DPY19L2: variants seen among roughly 807,000 people sequenced by gnomAD.
DPY19L2 encodes probable C-mannosyltransferase DPY19L2.
Under a neutral mutation model 97.9 loss-of-function variants are expected in DPY19L2, and 34 were observed. That is an observed-to-expected ratio of 0.35 (90% confidence interval 0.26 to 0.46). DPY19L2 has a LOEUF of 0.46. Among genes scored for constraint, DPY19L2 ranks in the 20% least tolerant of loss-of-function variants. DPY19L2 has a pLI of 1.00. For missense variants in DPY19L2, 623 were observed against 911.4 expected (o/e 0.68, Z 4.07); for synonymous variants, 230 against 307.9 (o/e 0.75, Z 2.65).
At chr12:63,630,441 A>C (rs1166555519) in intron 6 of DPY19L2, among the ~76,000 whole-genome samples, 1 of 152,174 alleles carries the variant, frequency 6.6e-6, no homozygotes, top group African/African-American at 2.4e-5. Context: ...AACAGACTTT[A>C]AACCAACAAA....
intron 6 of DPY19L2, among the ~76,000 whole-genome samples, chr12:63,636,407 GA>G (rs1891704113): frequency 6.6e-6 from 1 of 152,056 alleles, no homozygotes; most frequent in Non-Finnish European, 1.5e-5. Context: ...ATAACAACAG[GA>G]TCAAATTCAC....
At chr12:63,624,152 A>C (rs1473837348) in intron 7 of DPY19L2, 21 bp from the exon 8 acceptor site, 1 of 1,569,896 alleles carries the variant, frequency 6.4e-7, no homozygotes, top group Non-Finnish European at 8.8e-7. Flanking sequence ...CAAAATGCCC[A>C]CTTTACATCC....
At chr12:63,588,824 G>A (rs1024911512) in intron 16 of DPY19L2, among the ~76,000 whole-genome samples, 2 of 147,328 alleles carry the variant, frequency 1.4e-5, no homozygotes, top group African/African-American at 2.5e-5. Context: ...CGCGATCTCA[G>A]CTCACTGAAA....
chr12:63,635,892 G>A (rs191029701), intron 6 of DPY19L2, among the ~76,000 whole-genome samples: 428 of 152,230 alleles, frequency 2.8e-3, no homozygotes, highest in African/African-American at 9.9e-3. Context: ...AACCTAGCAA[G>A]GCAGGCCAAC....
intron 21 of DPY19L2, among the ~76,000 whole-genome samples, chr12:63,564,083 G>A (rs1479842997): frequency 6.6e-6 from 1 of 152,064 alleles, no homozygotes; most frequent in Non-Finnish European, 1.5e-5. Context: ...TTCAGATCCT[G>A]TAGTGATAAA....
At chr12:63,599,188 A>C (rs1457391728) in intron 13 of DPY19L2, among the ~76,000 whole-genome samples, 10 of 151,714 alleles carry the variant, frequency 6.6e-5, no homozygotes, top group African/African-American at 7.3e-5. Context: ...CAAAAAAAAA[A>C]AAAAAAAAAG....
intron 12 of DPY19L2, among the ~76,000 whole-genome samples, chr12:63,602,279 A>G (rs1159803219): frequency 3.3e-5 from 5 of 152,112 alleles, no homozygotes; most frequent in Non-Finnish European, 7.4e-5. Context: ...AAAAAAAATA[A>G]AAACTGAATC....
chr12:63,561,907 C>A (rs1230656161), intron 21 of DPY19L2, among the ~76,000 whole-genome samples: 2 of 152,048 alleles, frequency 1.3e-5, no homozygotes, highest in African/African-American at 4.8e-5. Flanking sequence ...CCATTTCCAC[C>A]AACAATGCAT....
In DPY19L2 at chr12:63,594,464, A is replaced by AGTGTGTGTGTGTGTGTGTGTGT. The variant is rs539673870; in HGVS notation, c.1534-353_1534-332dup. On this transcript the variant is annotated intron_variant, in intron 15 of 21. Transcript: ENST00000324472. Reference sequence around the variant, plus strand: ...CTGCAGGGATGAGAGAGAGAGAGATAGTGTGTGTGTGTGTGTGTGTGTGTG... The same window carrying AGTGTGTGTGTGTGTGTGTGTGT: ...CTGCAGGGATGAGAGAGAGAGAGATAGTGTGTGTGTGTGTGTGTGTGTGTGTGTGTGTGTGTGTGTGTGTGTG... Among the ~76,000 whole-genome samples the AGTGTGTGTGTGTGTGTGTGTGT allele has an allele frequency of 2.3e-3, 286 of 124,982 alleles. 6 individuals are homozygous for AGTGTGTGTGTGTGTGTGTGTGT. The highest frequency in any genetic ancestry group is 4.8e-3 in the African/African-American group (136 of 28,214). 82.0% of individuals were successfully genotyped at this position (124,982 alleles called of 152,430 possible).
intron 12 of DPY19L2, among the ~76,000 whole-genome samples, chr12:63,603,672 C>T (rs1885559156): frequency 6.6e-6 from 1 of 152,120 alleles, no homozygotes; most frequent in African/African-American, 2.4e-5. Context: ...GCTTCCAGCT[C>T]CATCCATGTC....
intron 21 of DPY19L2, among the ~76,000 whole-genome samples, chr12:63,564,698 G>T (rs1592362614): frequency 1.3e-5 from 2 of 152,108 alleles, no homozygotes. Flanking sequence ...TGTCTATTTT[G>T]CTGTTCTAGG....
chr12:63,617,300 T>C lies in DPY19L2; in HGVS notation c.1218+4A>G. Reference sequence around the variant, plus strand: ...AAAACCAACTTTATGAACTAAACACTTACCCACGTCATTAACAAAGATGAA... The same window carrying C: ...AAAACCAACTTTATGAACTAAACACCTACCCACGTCATTAACAAAGATGAA... On this transcript the variant is annotated splice_donor_region_variant and intron_variant, in intron 11 of 21. Coordinates refer to ENST00000324472, the MANE Select transcript of DPY19L2 (RefSeq NM_173812.5). The C allele has an allele frequency of 1.3e-6, 2 of 1,587,266 alleles. No homozygotes were observed. The highest frequency in any genetic ancestry group is 1.7e-6 in the Non-Finnish European group (2 of 1,162,364).
intron 12 of DPY19L2, among the ~76,000 whole-genome samples, chr12:63,606,205 T>A (rs1197092658): frequency 2.0e-5 from 3 of 152,144 alleles, no homozygotes; most frequent in African/African-American, 4.8e-5. Flanking sequence ...TAGGTAAATA[T>A]GATACTATAA....
At chr12:63,588,397 C>T (rs1354937423) in intron 16 of DPY19L2, among the ~76,000 whole-genome samples, 1 of 152,136 alleles carries the variant, frequency 6.6e-6, no homozygotes, top group Non-Finnish European at 1.5e-5. Context: ...GCATGATTTA[C>T]TGAATATTTT....
chr12:63,587,772 C>T (rs1478201002), intron 16 of DPY19L2, among the ~76,000 whole-genome samples: 1 of 151,936 alleles, frequency 6.6e-6, no homozygotes, highest in Non-Finnish European at 1.5e-5. Flanking sequence ...AGGGTTTCAC[C>T]GTGTTGGCCA....
chr12:63,655,338 G>C (rs1272333539), intron 4 of DPY19L2, among the ~76,000 whole-genome samples: 4 of 152,162 alleles, frequency 2.6e-5, no homozygotes, highest in African/African-American at 4.8e-5. Flanking sequence ...TGAGGATACA[G>C]ATAAACCAAA....
chr12:63,613,242 C>T (rs931709045), intron 11 of DPY19L2, among the ~76,000 whole-genome samples: 3 of 151,954 alleles, frequency 2.0e-5, no homozygotes, highest in Non-Finnish European at 2.9e-5. Context: ...GGTGCAAAAT[C>T]GTAAGTACAA....
chr12:63,655,175 A>C (rs150431077), intron 4 of DPY19L2, among the ~76,000 whole-genome samples: 1 of 152,328 alleles, frequency 6.6e-6, no homozygotes. Flanking sequence ...AAAATACATA[A>C]AGACACGTTG....
rs182292898 is a variant in DPY19L2, at chr12:63,573,526, A to T, written c.1901-2669T>A. 5.2e-4 allele frequency among the ~76,000 whole-genome samples: 79 copies of T among 152,250 alleles called. 1 individual carries two copies. The highest frequency in any genetic ancestry group is 1.0e-3 in the Non-Finnish European group (69 of 68,006). On this transcript the variant is annotated intron_variant, in intron 19 of 21. Transcript: ENST00000324472. ...AGAGAGAGACAGCAGTAGGAAGTTT[A>T]TTCAAAAGTGTAACAGAGAACTTCT...
Sources: allele counts gnomAD v4.1 joint callset (sites outside exome capture counted in the v4.1 genomes callset), GRCh38; gene constraint gnomAD v4.1.1; transcripts MANE v1.5; gene names NCBI Gene and HGNC (gene_info 2026-07-23, HGNC 2026-07-21).